Variants in SORCS3 observed in about 807,000 individuals in gnomAD.
SORCS3 encodes VPS10 domain-containing receptor SorCS3.
SORCS3 carries 57 observed loss-of-function variants against 146.3 expected under a neutral mutation model. The observed-to-expected ratio is 0.39, with a 90% CI of 0.31 to 0.49. The LOEUF is 0.49. SORCS3 is among the 20% of genes least tolerant of loss of function. The probability of loss-of-function intolerance (pLI) is 0.92; values close to 1 mark genes in which losing one functional copy is unlikely to be tolerated. For synonymous variants in SORCS3, 653 were observed against 618.5 expected (o/e 1.06, Z -0.83); for missense variants, 1,341 against 1,575.5 (o/e 0.85, Z 2.52).
intron 13 of SORCS3, among the ~76,000 whole-genome samples, chr10:105,171,564 G>C (rs997967296): frequency 2.0e-5 from 3 of 152,162 alleles, no homozygotes; most frequent in African/African-American, 7.2e-5. Context: ...GTTTGTGCTA[G>C]CATTTTGTTC....
intron 6 of SORCS3, among the ~76,000 whole-genome samples, chr10:105,099,634 G>A (rs2055769524): frequency 6.6e-6 from 1 of 152,172 alleles, no homozygotes; most frequent in African/African-American, 2.4e-5. Context: ...GAAAGGTATG[G>A]CAGAACCAGA....
At chr10:104,700,519 T>C (rs2016268327) in intron 1 of SORCS3, among the ~76,000 whole-genome samples, 1 of 152,190 alleles carries the variant, frequency 6.6e-6, no homozygotes, top group African/African-American at 2.4e-5. Context: ...TTGACCCCAC[T>C]TGGATCATGT....
At chr10:104,696,128 T>TA (rs1349776429) in intron 1 of SORCS3, among the ~76,000 whole-genome samples, 4 of 109,578 alleles carry the variant, frequency 3.7e-5, no homozygotes, top group Admixed American at 1.2e-4. Flanking sequence ...ATAATATATA[T>TA]CATATACACA....
chr10:105,068,374 G>T (rs1434112324), intron 5 of SORCS3, among the ~76,000 whole-genome samples: 7 of 152,122 alleles, frequency 4.6e-5, no homozygotes, highest in Non-Finnish European at 1.0e-4. Flanking sequence ...CCCCCTTGTT[G>T]AATTTATTAC....
chr10:104,880,749 C>G (rs1250298644), intron 2 of SORCS3, among the ~76,000 whole-genome samples: 1 of 152,120 alleles, frequency 6.6e-6, no homozygotes, highest in African/African-American at 2.4e-5. Context: ...CATCCTGACC[C>G]CCTGCCTTAC....
intron 3 of SORCS3, among the ~76,000 whole-genome samples, chr10:104,958,996 G>T (rs540953829): frequency 6.6e-6 from 1 of 152,052 alleles, no homozygotes; most frequent in Non-Finnish European, 1.5e-5. Context: ...AACACGTGGG[G>T]ATTACAATTT....
chr10:105,136,648 G>A (rs1398419333), intron 7 of SORCS3, among the ~76,000 whole-genome samples: 2 of 152,174 alleles, frequency 1.3e-5, no homozygotes, highest in African/African-American at 2.4e-5. Flanking sequence ...TGAATTGGTA[G>A]CATTCAAAAA....
At chr10:104,974,600 A>C (rs1487916374) in intron 3 of SORCS3, among the ~76,000 whole-genome samples, 2 of 152,102 alleles carry the variant, frequency 1.3e-5, no homozygotes, top group Non-Finnish European at 2.9e-5. Context: ...TCTACACGTG[A>C]GATGGGTTTC....
chr10:104,737,348 C>T (rs574390423), intron 1 of SORCS3, among the ~76,000 whole-genome samples: 91 of 152,066 alleles, frequency 6.0e-4, no homozygotes, highest in African/African-American at 2.1e-3. Context: ...CCTGAGGAAT[C>T]GCCACACTGA....
At chr10:104,836,634 C>G (rs2018070834) in intron 1 of SORCS3, among the ~76,000 whole-genome samples, 1 of 152,182 alleles carries the variant, frequency 6.6e-6, no homozygotes, top group South Asian at 2.1e-4. Flanking sequence ...GCCCTCTTCA[C>G]TCTTGTAGAG....
intron 1 of SORCS3, among the ~76,000 whole-genome samples, chr10:104,688,040 G>A (rs2016068548): frequency 6.6e-6 from 1 of 152,196 alleles, no homozygotes; most frequent in Non-Finnish European, 1.5e-5. Flanking sequence ...ATAAATCATA[G>A]CATTGTCAGA....
intron 8 of SORCS3, among the ~76,000 whole-genome samples, chr10:105,145,386 C>T (rs1402062121): frequency 6.6e-6 from 1 of 152,058 alleles, no homozygotes; most frequent in South Asian, 2.1e-4. Flanking sequence ...CACCAGGTGA[C>T]ACAGCCCCGG....
chr10:104,760,495 A>G (rs2017107668), intron 1 of SORCS3, among the ~76,000 whole-genome samples: 1 of 152,212 alleles, frequency 6.6e-6, no homozygotes, highest in East Asian at 1.9e-4. Flanking sequence ...ATGTACTCCA[A>G]GTTGAACATT....
intron 20 of SORCS3, among the ~76,000 whole-genome samples, chr10:105,231,366 A>G (rs55705618): frequency 0.076 from 11,604 of 152,232 alleles, 534 homozygotes; most frequent in Middle Eastern, 0.17. Context: ...TGAACCTTGT[A>G]TCCTGTAACC....
intron 3 of SORCS3, among the ~76,000 whole-genome samples, chr10:104,967,648 A>G (rs1050890351): frequency 2.0e-5 from 3 of 151,882 alleles, no homozygotes; most frequent in Non-Finnish European, 4.4e-5. Flanking sequence ...ATCACTTCTG[A>G]CTTCAGTTGT....
At position 104,749,926 on chromosome 10, in the gene SORCS3, C is replaced by G. The variant is rs552764082; in HGVS notation, c.628-92866C>G. Among the ~76,000 whole-genome samples the G allele has an allele frequency of 2.6e-5, 4 of 152,168 alleles. No homozygotes were observed. In the East Asian group the frequency reaches 7.7e-4, roughly 29 times the overall value. On this transcript the variant is annotated intron_variant, in intron 1 of 26. Transcript: ENST00000369701. ...TTATATAATAGATTCCTTGCAAAAA[C>G]AATGAAAATGAGCATTATTCTTTGA...
chr10:105,166,771 T>A (rs913392882), intron 12 of SORCS3, among the ~76,000 whole-genome samples: 1 of 152,196 alleles, frequency 6.6e-6, no homozygotes, highest in African/African-American at 2.4e-5. Flanking sequence ...ATTTCAATTA[T>A]TAGTTTTACC....
rs192611832 is a variant in SORCS3, at chr10:105,249,523, A to C, written c.3105+2192A>C. 6.6e-5 allele frequency among the ~76,000 whole-genome samples: 10 copies of C among 152,320 alleles called. No homozygotes were observed. The East Asian group carries it at 1.9e-3, about 29-fold the overall frequency. On this transcript the variant is annotated intron_variant, in intron 22 of 26. Coordinates refer to ENST00000369701, the MANE Select transcript of SORCS3 (RefSeq NM_014978.3). ...GAGAATGACATAGGAGCATTGCTGT[A>C]TGGAGCGGTCTGTAAGAGTAACTAC...
At position 105,167,307 on chromosome 10, in the gene SORCS3, T is replaced by A. The variant is rs1037535355; in HGVS notation, c.1859T>A (p.Leu620His). The A allele has an allele frequency of 1.9e-6, 3 of 1,613,362 alleles. No homozygotes were observed. ...TGGTTCCTAGACTGGGGTGGTGCCCTCGTGGCCATGAAACACACACCTCTG... is the reference window on the plus strand; with the variant it reads ...TGGTTCCTAGACTGGGGTGGTGCCCACGTGGCCATGAAACACACACCTCTG... ...NVWFLDWGGALVAMKHTPLPV... is the reference protein window; with the variant it reads ...NVWFLDWGGAHVAMKHTPLPV... The change falls in exon 13 of 27, where the codon CTC becomes CAC. Residue 620 changes from leucine (L) to histidine (H), a missense_variant. Physicochemically the swap from Leu to His is moderately conservative, Grantham distance 99. Coordinates refer to ENST00000369701, the MANE Select transcript of SORCS3 (RefSeq NM_014978.3).
Sources: gnomAD v4.1 joint callset for allele counts (sites outside exome capture counted in the v4.1 genomes callset) on GRCh38, gnomAD v4.1.1 for gene constraint, MANE v1.5 for transcripts, NCBI Gene and HGNC (gene_info 2026-07-23, HGNC 2026-07-21) for gene names.